The following CYFIP1 variants were observed in gnomAD, a reference collection of about 807,000 sequenced individuals.
CYFIP1 encodes the protein cytoplasmic FMR1 interacting protein 1, also known as cytoplasmic FMR1-interacting protein 1.
CYFIP1 carries 58 observed loss-of-function variants against 163.5 expected under a neutral mutation model. That is an observed-to-expected ratio of 0.35 (90% CI 0.29 to 0.44). CYFIP1 has a LOEUF of 0.44. CYFIP1 is among the 20% of genes least tolerant of loss of function. The pLI is 1.00. For synonymous variants in CYFIP1, 663 were observed against 660.7 expected (o/e 1.00, Z -0.05); for missense variants, 1,338 against 1,653.8 (o/e 0.81, Z 3.31).
intron 1 of CYFIP1, among the ~76,000 whole-genome samples, chr15:22,964,274 CCACACA>C (rs60879784): frequency 0.04 from 3,896 of 97,116 alleles, 204 homozygotes; most frequent in African/African-American, 0.12. Context: ...CTCCTCCTCA[CCACACA>C]CACACACACA....
intron 26 of CYFIP1, among the ~76,000 whole-genome samples, chr15:22,878,674 TAAA>T (rs199504341): frequency 8.2e-6 from 1 of 121,712 alleles, no homozygotes; most frequent in East Asian, 2.3e-4. Context: ...GATGGTAGAT[TAAA>T]AAAAAAAAAA....
At chr15:22,951,621 A>G in intron 1 of CYFIP1, 1 of 1,191,894 alleles carries the variant, frequency 8.4e-7, no homozygotes, top group South Asian at 1.3e-5. Flanking sequence ...GGGCGTGTCC[A>G]GTCATGCCCG....
In CYFIP1 at chr15:22,882,933, G is replaced by A. The variant is rs950824377; in HGVS notation, c.2755C>T (p.Arg919Trp). ...GCGATACCCTGGTAGCCGAGAAGCC[G>A]GCAGATGACTTGAAAGTGTGGAGGT... The part of the protein sequence containing the change: ...VGPPHFQVIC[R>W]LLGYQGIAVV... Residue 919 changes from arginine to tryptophan, a missense_variant, in exon 24 of 31, where the codon CGG (arginine) becomes TGG (tryptophan). Arg to Trp is a moderately radical substitution (Grantham distance 101). Transcript: ENST00000617928. 6 of 1,613,930 alleles carry A rather than the reference G, an allele frequency of 3.7e-6. No homozygotes were observed. The highest frequency in any genetic ancestry group is 1.1e-5 in the South Asian group (1 of 91,070).
chr15:22,919,514 T>TC (rs555459335), intron 13 of CYFIP1, among the ~76,000 whole-genome samples: 89 of 152,316 alleles, frequency 5.8e-4, no homozygotes, highest in Non-Finnish European at 4.4e-4. Flanking sequence ...ACAGCCAACT[T>TC]CATGATAGCT....
intron 1 of CYFIP1, among the ~76,000 whole-genome samples, chr15:22,961,770 C>A (rs564324131): frequency 6.6e-5 from 10 of 152,274 alleles, no homozygotes; most frequent in Non-Finnish European, 8.8e-5. Flanking sequence ...TCCTCAGCAA[C>A]TGACAGATGG....
At chr15:22,979,246 G>A (rs888431466) in intron 1 of CYFIP1, among the ~76,000 whole-genome samples, 2 of 152,158 alleles carry the variant, frequency 1.3e-5, no homozygotes, top group South Asian at 2.1e-4. Flanking sequence ...GAAAACCGCT[G>A]GCCACCCGCA....
At chr15:22,936,416 C>T (rs1002649780) in intron 9 of CYFIP1, among the ~76,000 whole-genome samples, 1 of 152,128 alleles carries the variant, frequency 6.6e-6, no homozygotes, top group Non-Finnish European at 1.5e-5. Flanking sequence ...ATGAACGAAA[C>T]ACTAGCCAAT....
intron 4 of CYFIP1, 71 bp downstream of exon 4, chr15:22,944,785 TGGCAGG>T: frequency 6.5e-7 from 1 of 1,543,000 alleles, no homozygotes; most frequent in Non-Finnish European, 9.0e-7. Context: ...GGGCCAGGCA[TGGCAGG>T]GGCAGGGGTG....
rs1180189062 is a variant in CYFIP1, at chr15:22,867,581, G to GGT, written c.*2446_*2447insAC. On this transcript the variant is annotated 3_prime_UTR_variant, in exon 31 of 31. Coordinates refer to ENST00000617928, the MANE Select transcript of CYFIP1 (RefSeq NM_014608.6). ...CATGATGCCTGGAACCTTGATTACC[G>GGT]TTTTACATCAGCTCTTGTACTTTTC... 3.0e-3 allele frequency: 565 copies of GGT among 188,304 alleles called. 3 individuals are homozygous for GGT. Among genetic ancestry groups the GGT allele is most frequent in the African/African-American group, 0.012 (538 of 43,112 alleles). The allele number at this position is 188,304 out of a possible 1,614,324, so 11.7% of individuals were successfully genotyped here.
In CYFIP1 at chr15:22,908,347, G is replaced by A. The variant is rs28653757; in HGVS notation, c.2388+847C>T. On this transcript the variant is annotated intron_variant, in intron 21 of 30. Coordinates refer to ENST00000617928, the MANE Select transcript of CYFIP1 (RefSeq NM_014608.6). ...CGCCCAAAGAGGGTGAGCGGGGAAC[G>A]TTGGCCCCGAACACACATCCTCACT... 7.0e-3 allele frequency among the ~76,000 whole-genome samples: 1,065 copies of A among 151,998 alleles called. 12 individuals carry two copies. Among genetic ancestry groups the A allele is most frequent in the African/African-American group, 0.024 (1,002 of 41,388 alleles).
intron 30 of CYFIP1, among the ~76,000 whole-genome samples, chr15:22,871,681 G>A (rs1006212608): frequency 2.0e-5 from 3 of 152,180 alleles, no homozygotes; most frequent in Admixed American, 6.5e-5. Context: ...ATGTTCTCTG[G>A]CCGGAGGCAG....
chr15:22,964,353 T>TCACACACACACA (rs71117466), intron 1 of CYFIP1, among the ~76,000 whole-genome samples: 165 of 78,720 alleles, frequency 2.1e-3, no homozygotes, highest in African/African-American at 2.6e-3. Flanking sequence ...ACCTCATCAC[T>TCACACACACACA]CACACACACA....
In CYFIP1 at chr15:22,963,494, A is replaced by AATAACATAACATAACATAAC. The variant is rs56889524; in HGVS notation, c.-6-16223_-6-16204dup. 5.3e-4 allele frequency among the ~76,000 whole-genome samples: 73 copies of AATAACATAACATAACATAAC among 138,028 alleles called. 2 individuals are homozygous for AATAACATAACATAACATAAC. Among genetic ancestry groups the AATAACATAACATAACATAAC allele is most frequent in the South Asian group, 1.7e-3 (7 of 4,074 alleles). The allele number at this position is 138,028 out of a possible 152,430, so 90.6% of individuals were successfully genotyped here. On this transcript the variant is annotated intron_variant, in intron 1 of 30. Coordinates refer to ENST00000617928, the MANE Select transcript of CYFIP1 (RefSeq NM_014608.6). ...AACAAGAGCAAAACTCTGTTTCAAA[A>AATAACATAACATAACATAAC]ATAACATAACATAACATAACATAAC... is the stretch of plus-strand genomic sequence containing the variant.
At chr15:22,932,091 C>G in intron 11 of CYFIP1, 132 bp downstream of exon 11, 1 of 641,722 alleles carries the variant, frequency 1.6e-6, no homozygotes, top group Non-Finnish European at 2.7e-6. Flanking sequence ...CAGAACCTGT[C>G]CCTGTCATTA....
chr15:22,954,407 T>C (rs2062371029), intron 1 of CYFIP1, among the ~76,000 whole-genome samples: 1 of 152,222 alleles, frequency 6.6e-6, no homozygotes, highest in Non-Finnish European at 1.5e-5. Flanking sequence ...CTGCGCTGTC[T>C]GCCAGGTAAG....
chr15:22,909,171 T>A, intron 21 of CYFIP1, 23 bp downstream of exon 21: 1 of 1,613,190 alleles, frequency 6.2e-7, no homozygotes, highest in Non-Finnish European at 8.5e-7. Context: ...AATTTATCAA[T>A]AGGGCAAAGT....
At chr15:22,885,431 T>C (rs1397944286) in intron 23 of CYFIP1, among the ~76,000 whole-genome samples, 1 of 152,178 alleles carries the variant, frequency 6.6e-6, no homozygotes, top group Non-Finnish European at 1.5e-5. Flanking sequence ...CATCAGCATT[T>C]TGGTCAAAAC....
intron 1 of CYFIP1, among the ~76,000 whole-genome samples, chr15:22,959,108 G>A (rs574218409): frequency 5.9e-5 from 9 of 152,258 alleles, no homozygotes; most frequent in South Asian, 2.1e-4. Context: ...AGATGAGCTC[G>A]GGGAAGCTCC....
chr15:22,948,891 GA>G (rs34636159), intron 1 of CYFIP1, among the ~76,000 whole-genome samples: 73,056 of 150,790 alleles, frequency 0.48, 17,967 homozygotes, highest in Middle Eastern at 0.61. Flanking sequence ...ATACCAGAGA[GA>G]AAAAAAGATT....
Sources: allele counts gnomAD v4.1 joint callset (sites outside exome capture counted in the v4.1 genomes callset), GRCh38; gene constraint gnomAD v4.1.1; transcripts MANE v1.5; gene names NCBI Gene and HGNC (gene_info 2026-07-23, HGNC 2026-07-21).